SEMA3D: variants seen among roughly 807,000 people sequenced by gnomAD.
SEMA3D encodes the protein semaphorin-3D.
Under a neutral mutation model 100.1 loss-of-function variants are expected in SEMA3D, and 84 were observed. The observed-to-expected ratio is 0.84, with a 90% CI of 0.70 to 1.01. The LOEUF (loss-of-function observed/expected upper bound fraction) is 1.01. SEMA3D is among the 50% of genes least tolerant of loss of function. The probability of loss-of-function intolerance (pLI) is 0.00; values close to 1 mark genes in which losing one functional copy is unlikely to be tolerated. For missense variants in SEMA3D, 875 were observed against 934.1 expected, an observed-to-expected ratio of 0.94 and a Z score of 0.82; for synonymous variants, 312 against 320.7, an observed-to-expected ratio of 0.97 and a Z score of 0.29.
chr7:84,998,551 GAT>G lies in SEMA3D; in HGVS notation c.*887_*888del, dbSNP rs1789565057. On this transcript the variant is annotated 3_prime_UTR_variant, in exon 19 of 19. Coordinates refer to ENST00000284136, the MANE Select transcript of SEMA3D (RefSeq NM_001384900.1). ...TGTGATTGTTCTTCCTTTTCATGGG[GAT>G]ATGAGTTTTCCCCAAAGCCAGAATT... 1 of 151,956 alleles carries G rather than the reference GAT, an allele frequency of 6.6e-6. No homozygotes were observed. Among genetic ancestry groups the G allele is most frequent in the South Asian group, 2.1e-4 (1 of 4,820 alleles). The allele number at this position is 151,956 out of a possible 1,614,324, so 9.4% of individuals were successfully genotyped here.
intron 2 of SEMA3D, chr7:85,140,948 C>A (rs1790031573): frequency 1.7e-6 from 1 of 597,580 alleles, no homozygotes; most frequent in African/African-American, 2.0e-5. Flanking sequence ...TTTATTTTTC[C>A]CTATTTTCTA....
At chr7:85,065,897 T>C (rs894125427) in intron 7 of SEMA3D, among the ~76,000 whole-genome samples, 3 of 152,174 alleles carry the variant, frequency 2.0e-5, no homozygotes, top group Non-Finnish European at 4.4e-5. Context: ...AGTTCCTCTT[T>C]AGAATAAGAC....
chr7:85,110,682 A>G (rs1188846950), intron 3 of SEMA3D, among the ~76,000 whole-genome samples: 5 of 151,874 alleles, frequency 3.3e-5, no homozygotes, highest in African/African-American at 1.2e-4. Flanking sequence ...TAAGGTGTAG[A>G]TTATCCGGCA....
intron 1 of SEMA3D, among the ~76,000 whole-genome samples, chr7:85,168,818 G>GAAAGAAAGA (rs1266120369): frequency 7.3e-4 from 47 of 64,120 alleles, no homozygotes; most frequent in East Asian, 2.8e-3. Context: ...AAGAAAGAAA[G>GAAAGAAAGA]ATGAAAGAAA....
intron 5 of SEMA3D, among the ~76,000 whole-genome samples, chr7:85,077,781 A>C (rs1006630692): frequency 6.6e-6 from 1 of 152,116 alleles, no homozygotes; most frequent in Admixed American, 6.6e-5. Context: ...ATGAGGCATA[A>C]ACTTTCTGGA....
chr7:85,017,612 T>C lies in SEMA3D; in HGVS notation c.1545+640A>G, dbSNP rs142600784. Among the ~76,000 whole-genome samples, 760 of 151,874 alleles carry C rather than the reference T, an allele frequency of 5.0e-3. 4 individuals carry two copies. Among genetic ancestry groups the C allele is most frequent in the African/African-American group, 0.017 (713 of 41,500 alleles). On this transcript the variant is annotated intron_variant, in intron 15 of 18. Coordinates refer to ENST00000284136, the MANE Select transcript of SEMA3D (RefSeq NM_001384900.1). ...TTGGGGGTGCAAATAGAAATAATAG[T>C]GCAGTTTGAATCTCTTGAAACAATT...
chr7:85,081,374 C>T, intron 5 of SEMA3D, 143 bp downstream of exon 5: 16 of 507,544 alleles, frequency 3.2e-5, no homozygotes, highest in South Asian at 7.4e-5. Flanking sequence ...TATTTTATTC[C>T]ACATTAATAT....
intron 18 of SEMA3D, among the ~76,000 whole-genome samples, chr7:85,001,840 A>G (rs1158587695): frequency 6.6e-6 from 1 of 152,146 alleles, no homozygotes; most frequent in Non-Finnish European, 1.5e-5. Context: ...TCTTAATAGA[A>G]AATGGCCTGA....
the SEMA3D span, among the ~76,000 whole-genome samples, chr7:85,241,277 G>A: frequency 6.6e-6 from 1 of 151,534 alleles, no homozygotes; most frequent in Non-Finnish European, 1.5e-5. Context: ...AGAACTAAAA[G>A]TAGAACTACC....
intron 1 of SEMA3D, among the ~76,000 whole-genome samples, chr7:85,156,831 T>C (rs929796759): frequency 6.6e-6 from 1 of 152,002 alleles, no homozygotes; most frequent in African/African-American, 2.4e-5. Flanking sequence ...AAGAAGAAAA[T>C]AGTTATATCA....
At chr7:85,073,153 G>T (rs2116190150) in intron 5 of SEMA3D, 72 bp from the exon 6 acceptor site, 3 of 1,329,024 alleles carry the variant, frequency 2.3e-6, no homozygotes, top group Non-Finnish European at 3.2e-6. Context: ...TATGCCACCT[G>T]TTTTCCAAGT....
At chr7:85,054,749 C>T (rs1791260891) in intron 9 of SEMA3D, among the ~76,000 whole-genome samples, 1 of 151,962 alleles carries the variant, frequency 6.6e-6, no homozygotes, top group Admixed American at 6.6e-5. Context: ...TGTACAAGAC[C>T]AAAGAAAGCT....
chr7:85,052,146 T>G (rs1442223594), intron 9 of SEMA3D, among the ~76,000 whole-genome samples: 1 of 151,978 alleles, frequency 6.6e-6, no homozygotes. Context: ...TTGAACTTAC[T>G]CTTAGTGCTT....
intron 2 of SEMA3D, chr7:85,141,199 A>G (rs1174567857): frequency 1.0e-6 from 1 of 978,594 alleles, no homozygotes; most frequent in Non-Finnish European, 1.2e-6. Context: ...TTAATATAGC[A>G]CACATATTAA....
chr7:85,044,431 G>A (rs1790950048), intron 9 of SEMA3D, among the ~76,000 whole-genome samples: 1 of 151,912 alleles, frequency 6.6e-6, no homozygotes, highest in Admixed American at 6.6e-5. Flanking sequence ...GTAAAACTCA[G>A]GAATAATTAT....
chr7:85,238,892 T>C, the SEMA3D span, among the ~76,000 whole-genome samples: 1 of 152,292 alleles, frequency 6.6e-6, no homozygotes, highest in Admixed American at 6.5e-5. Flanking sequence ...TTTTCTTTTA[T>C]AGATCTTGTA....
At chr7:85,052,143 T>C (rs1258233015) in intron 9 of SEMA3D, among the ~76,000 whole-genome samples, 2 of 151,904 alleles carry the variant, frequency 1.3e-5, no homozygotes, top group Non-Finnish European at 2.9e-5. Context: ...CTCTTGAACT[T>C]ACTCTTAGTG....
At chr7:85,024,942 T>C (rs564865570) in intron 12 of SEMA3D, among the ~76,000 whole-genome samples, 60 of 152,006 alleles carry the variant, frequency 3.9e-4, no homozygotes, top group African/African-American at 1.3e-3. Context: ...GAAAGAAAAA[T>C]TTCGTAAAAG....
intron 3 of SEMA3D, among the ~76,000 whole-genome samples, chr7:85,106,370 TACA>T (rs1788922208): frequency 6.6e-6 from 1 of 152,050 alleles, no homozygotes; most frequent in Admixed American, 6.6e-5. Flanking sequence ...CTTAACTTAA[TACA>T]ACATCTATTA....
Sources: allele counts gnomAD v4.1 joint callset (sites outside exome capture counted in the v4.1 genomes callset), GRCh38; gene constraint gnomAD v4.1.1; transcripts MANE v1.5; gene names NCBI Gene and HGNC (gene_info 2026-07-23, HGNC 2026-07-21).